Variants in PTPRN2 observed in about 807,000 individuals in gnomAD.
PTPRN2 encodes protein tyrosine phosphatase receptor type N2, also known as receptor-type tyrosine-protein phosphatase N2.
Under a neutral mutation model 118.8 loss-of-function variants are expected in PTPRN2, and 74 were observed. The ratio of observed to expected loss-of-function variants is 0.62; its 90% CI spans 0.52 to 0.76. The LOEUF (loss-of-function observed/expected upper bound fraction) is 0.76, where lower values mean the gene tolerates loss of function less well. Among genes scored for constraint, PTPRN2 ranks in the 30% least tolerant of loss-of-function variants. PTPRN2 has a pLI of 0.00. For synonymous variants in PTPRN2, 641 were observed against 608.0 expected, an observed-to-expected ratio of 1.05 and a Z score of -0.80; for missense variants, 1,481 against 1,394.4, an observed-to-expected ratio of 1.06 and a Z score of -0.99.
intron 3 of PTPRN2, among the ~76,000 whole-genome samples, chr7:158,246,507 T>C (rs1796259067): frequency 6.6e-6 from 1 of 151,062 alleles, no homozygotes; most frequent in African/African-American, 2.4e-5. Flanking sequence ...CTGCTGACGA[T>C]AAGAAAATGT....
chr7:157,777,335 C>T (rs1803390646), intron 12 of PTPRN2, among the ~76,000 whole-genome samples: 1 of 148,038 alleles, frequency 6.8e-6, no homozygotes, highest in Non-Finnish European at 1.5e-5. Context: ...TGCCAGAGGA[C>T]ACGCAGTGCC....
chr7:157,669,026 G>A (rs527577764), intron 13 of PTPRN2, among the ~76,000 whole-genome samples: 36 of 152,352 alleles, frequency 2.4e-4, no homozygotes, highest in African/African-American at 8.7e-4. Flanking sequence ...TGGGAGCAGA[G>A]GAGCAGTAAC....
At chr7:158,318,630 C>CGG (rs1802547951) in intron 2 of PTPRN2, among the ~76,000 whole-genome samples, 1 of 152,262 alleles carries the variant, frequency 6.6e-6, no homozygotes, top group Non-Finnish European at 1.5e-5. Context: ...CACTCAGCCG[C>CGG]AGAGCCCGCG....
intron 12 of PTPRN2, among the ~76,000 whole-genome samples, chr7:157,746,169 G>C (rs1800919583): frequency 7.4e-6 from 1 of 134,606 alleles, no homozygotes; most frequent in South Asian, 2.2e-4. Flanking sequence ...GGGACCCTGA[G>C]CATGAAGATC....
intron 11 of PTPRN2, among the ~76,000 whole-genome samples, chr7:157,948,771 C>T (rs1030989646): frequency 6.6e-6 from 1 of 152,120 alleles, no homozygotes; most frequent in African/African-American, 2.4e-5. Flanking sequence ...ACATGATGTT[C>T]AAAATAAATG....
At position 158,102,188 on chromosome 7, in the gene PTPRN2, G is replaced by A. The variant is rs578080780; in HGVS notation, c.1643+8641C>T. On this transcript the variant is annotated intron_variant, in intron 10 of 22. Coordinates refer to ENST00000389418, the MANE Select transcript of PTPRN2 (RefSeq NM_002847.5). ...GCAGCCATCAGCAGCAGGGCGGCCAGGAGGGAACCTTCAGAAAACACTGAG... is the reference window on the plus strand; with the variant it reads ...GCAGCCATCAGCAGCAGGGCGGCCAAGAGGGAACCTTCAGAAAACACTGAG... 1.4e-3 allele frequency among the ~76,000 whole-genome samples: 208 copies of A among 152,324 alleles called. 2 individuals are homozygous for A. Among genetic ancestry groups the A allele is most frequent in the African/African-American group, 4.8e-3 (199 of 41,564 alleles).
chr7:157,782,154 C>T (rs1470442727), intron 12 of PTPRN2, among the ~76,000 whole-genome samples: 1 of 152,394 alleles, frequency 6.6e-6, no homozygotes, highest in South Asian at 2.1e-4. Context: ...CTGCTCTGCA[C>T]AGGACCGTAG....
At chr7:158,254,913 T>C (rs2150905353) in intron 3 of PTPRN2, among the ~76,000 whole-genome samples, 1 of 152,372 alleles carries the variant, frequency 6.6e-6, no homozygotes, top group South Asian at 2.1e-4. Context: ...ACACGAATAA[T>C]AAATGCGAAG....
chr7:157,684,274 G>C (rs1449525585), intron 12 of PTPRN2, among the ~76,000 whole-genome samples: 1 of 151,902 alleles, frequency 6.6e-6, no homozygotes, highest in Non-Finnish European at 1.5e-5. Flanking sequence ...GGATTTTCCT[G>C]CCTGGATGCG....
intron 2 of PTPRN2, among the ~76,000 whole-genome samples, chr7:158,479,666 CTCTGTGAA>C (rs1820522317): frequency 6.6e-6 from 1 of 152,262 alleles, no homozygotes; most frequent in African/African-American, 2.4e-5. Context: ...GAGATCTACG[CTCTGTGAA>C]TCACAAACCA....
intron 12 of PTPRN2, among the ~76,000 whole-genome samples, chr7:157,695,323 C>T (rs1202941387): frequency 6.6e-6 from 1 of 152,022 alleles, no homozygotes; most frequent in African/African-American, 2.4e-5. Context: ...ATTTAAAAAA[C>T]ACCTGAGACT....
At chr7:157,688,233 A>T (rs1797288978) in intron 12 of PTPRN2, among the ~76,000 whole-genome samples, 1 of 152,250 alleles carries the variant, frequency 6.6e-6, no homozygotes, top group Non-Finnish European at 1.5e-5. Flanking sequence ...TTAAAAGTGA[A>T]TATACAAGAA....
Position 157,615,968 on chromosome 7 carries a change from C to A in PTPRN2, c.2344+5394G>T, listed in dbSNP as rs1731559939. ...AACTTCTGGTGGATAAAGTGGGAGG[C>A]CTGATCCAGGAAGAAGCACACCGTG... On this transcript the variant is annotated intron_variant, in intron 15 of 22. Transcript: ENST00000389418. The surrounding 1 kb of genome is among the most constrained non-coding windows in gnomAD (Gnocchi z 4.3). The A allele has an allele frequency of 4.0e-6, 1 of 251,716 alleles. No individual in the cohort carries two copies. The allele number at this position is 251,716 out of a possible 1,614,324, so 15.6% of individuals were successfully genotyped here.
intron 5 of PTPRN2, among the ~76,000 whole-genome samples, chr7:158,176,472 A>G (rs147872155): frequency 0.013 from 1,956 of 152,292 alleles, 32 homozygotes; most frequent in African/African-American, 0.045. Context: ...TAGGCTGTGT[A>G]TGTCTGTCGA....
At chr7:158,276,838 C>T (rs1212756925) in intron 3 of PTPRN2, among the ~76,000 whole-genome samples, 6 of 152,182 alleles carry the variant, frequency 3.9e-5, no homozygotes, top group Non-Finnish European at 8.8e-5. Flanking sequence ...GCGGCCTCCT[C>T]GTAGTGGAGG....
At chr7:158,009,809 TTC>T (rs1215229496) in intron 11 of PTPRN2, among the ~76,000 whole-genome samples, 3 of 152,214 alleles carry the variant, frequency 2.0e-5, no homozygotes, top group Non-Finnish European at 4.4e-5. Flanking sequence ...GCATTTAAAT[TTC>T]TGATTTGGAT....
At position 158,378,876 on chromosome 7, in the gene PTPRN2, G is replaced by T. The variant is rs1346553916; in HGVS notation, c.164-61944C>A. ...CTTGACAAAATTCTTACCAGAAAAG[G>T]CTGGTTGGCTGTTACGATCAAGGGG... On this transcript the variant is annotated intron_variant, in intron 2 of 22. Transcript: ENST00000389418. 2.0e-5 allele frequency among the ~76,000 whole-genome samples: 3 copies of T among 152,202 alleles called. No individual in the cohort carries two copies. In the East Asian group the frequency reaches 5.8e-4, roughly 29 times the overall value.
In PTPRN2 at chr7:157,550,517, C is replaced by A. The variant is rs905888356; in HGVS notation, c.2903-1498G>T. 6.6e-6 allele frequency among the ~76,000 whole-genome samples: 1 copy of A among 152,238 alleles called. No homozygotes were observed. Among genetic ancestry groups the A allele is most frequent in the Non-Finnish European group, 1.5e-5 (1 of 68,034 alleles). On this transcript the variant is annotated intron_variant, in intron 21 of 22. Coordinates refer to ENST00000389418, the MANE Select transcript of PTPRN2 (RefSeq NM_002847.5). The surrounding 1 kb of genome is among the most constrained non-coding windows in gnomAD (Gnocchi z 5.2). ...GAGGCCGGGCGCGAGATGACCACCC[C>A]ACCTGCCCTGCCTGGCTGGTGGGTC...
At chr7:157,698,621 T>C (rs1797924557) in intron 12 of PTPRN2, among the ~76,000 whole-genome samples, 1 of 152,244 alleles carries the variant, frequency 6.6e-6, no homozygotes, top group Non-Finnish European at 1.5e-5. Context: ...GTTTTGTCCA[T>C]TAAAAGTAGC....
Sources: gnomAD v4.1 joint callset for allele counts (sites outside exome capture counted in the v4.1 genomes callset) on GRCh38, gnomAD v4.1.1 for gene constraint, Gnocchi (gnomAD v3.1) non-coding constraint, MANE v1.5 for transcripts, NCBI Gene and HGNC (gene_info 2026-07-23, HGNC 2026-07-21) for gene names.